Variants in ZSWIM5 observed in about 807,000 individuals in gnomAD.
ZSWIM5 encodes the protein zinc finger SWIM-type containing 5.
A neutral mutation model predicts 119.6 loss-of-function variants in ZSWIM5; 55 were observed. The observed-to-expected ratio is 0.46, with a 90% CI of 0.37 to 0.58. The LOEUF is 0.58. Among genes scored for constraint, ZSWIM5 ranks in the 20% least tolerant of loss-of-function variants. The pLI, the probability that ZSWIM5 is intolerant of heterozygous loss-of-function variation, is 0.00. For synonymous variants in ZSWIM5, 537 were observed against 606.9 expected (o/e 0.88, Z 1.69); for missense variants, 1,193 against 1,512.8 (o/e 0.79, Z 3.51).
chr1:45,043,563 G>C (rs567984657), intron 5 of ZSWIM5, among the ~76,000 whole-genome samples, 168 bp from the exon 6 acceptor site: 15 of 152,334 alleles, frequency 9.8e-5, no homozygotes, highest in African/African-American at 2.9e-4. Context: ...GCAGCCACTT[G>C]CAATCTCTCT....
intron 1 of ZSWIM5, among the ~76,000 whole-genome samples, chr1:45,146,431 CTTTTTT>C (rs35073818): frequency 6.5e-5 from 3 of 45,882 alleles, no homozygotes; most frequent in Non-Finnish European, 1.2e-4. Context: ...TGTTTCTAGA[CTTTTTT>C]TTTTTTTTTT....
chr1:45,188,589 T>C (rs1158538038), intron 1 of ZSWIM5, among the ~76,000 whole-genome samples: 2 of 152,204 alleles, frequency 1.3e-5, no homozygotes, highest in Non-Finnish European at 2.9e-5. Flanking sequence ...AGTTATACAG[T>C]ACATGAAGTA....
intron 1 of ZSWIM5, among the ~76,000 whole-genome samples, chr1:45,153,307 A>G (rs1645808942): frequency 6.6e-6 from 1 of 151,798 alleles, no homozygotes; most frequent in Non-Finnish European, 1.5e-5. Context: ...AGATTACCCG[A>G]GGTCAGAAGT....
chr1:45,197,953 T>A (rs1176034639), intron 1 of ZSWIM5, among the ~76,000 whole-genome samples: 2 of 152,186 alleles, frequency 1.3e-5, no homozygotes. Flanking sequence ...AAACCAGCAG[T>A]TTACAAATGG....
At position 45,080,068 on chromosome 1, in the gene ZSWIM5, C is replaced by T. The variant is rs535945473; in HGVS notation, c.952+7813G>A. 7.2e-5 allele frequency among the ~76,000 whole-genome samples: 11 copies of T among 152,230 alleles called. No homozygotes were observed. In the South Asian group the frequency reaches 2.1e-3, roughly 29 times the overall value. On this transcript the variant is annotated intron_variant, in intron 2 of 13. Coordinates refer to ENST00000359600, the MANE Select transcript of ZSWIM5 (RefSeq NM_020883.2). ...AAAGGGACGGGGTCTCTTTTGGAGC[C>T]ATAAGCTGAACTGCCTGGGGTTAAG...
In ZSWIM5 at chr1:45,084,576, C is replaced by A. The variant is rs543588255; in HGVS notation, c.952+3305G>T. ...TCAAAAACAAGTTACTTCCAAGATA[C>A]AATGGAAGTATAGGCATTGGGTAAA... On this transcript the variant is annotated intron_variant, in intron 2 of 13. Transcript: ENST00000359600. 7.9e-5 allele frequency among the ~76,000 whole-genome samples: 12 copies of A among 152,312 alleles called. No homozygotes were observed. In the South Asian group the frequency reaches 1.7e-3, roughly 21 times the overall value.
intron 1 of ZSWIM5, among the ~76,000 whole-genome samples, chr1:45,196,870 A>G (rs909348371): frequency 3.9e-5 from 6 of 152,150 alleles, no homozygotes; most frequent in African/African-American, 7.2e-5. Flanking sequence ...ACCTGAGCCA[A>G]TCTCCCAAGA....
At chr1:45,110,873 T>C (rs1645512526) in intron 1 of ZSWIM5, among the ~76,000 whole-genome samples, 1 of 152,154 alleles carries the variant, frequency 6.6e-6, no homozygotes. Flanking sequence ...CATTGACTTT[T>C]AAGCTCAGGA....
chr1:45,043,052 C>A (rs1557745533), intron 6 of ZSWIM5, among the ~76,000 whole-genome samples, 167 bp downstream of exon 6: 1 of 152,156 alleles, frequency 6.6e-6, no homozygotes, highest in Non-Finnish European at 1.5e-5. Flanking sequence ...AGTATACATG[C>A]AAATGGCTTA....
rs577288650 is a variant in ZSWIM5, at chr1:45,183,161, C to T, written c.595+22595G>A. 1.7e-3 allele frequency among the ~76,000 whole-genome samples: 258 copies of T among 151,784 alleles called. 3 individuals are homozygous for T. Among genetic ancestry groups the T allele is most frequent in the African/African-American group, 5.9e-3 (242 of 41,354 alleles). ...TCCTGAATGACTACTGGGTACATAACGAAATGAAGGCAGAAATAAAGATGT... is the reference window on the plus strand; with the variant it reads ...TCCTGAATGACTACTGGGTACATAATGAAATGAAGGCAGAAATAAAGATGT... On this transcript the variant is annotated intron_variant, in intron 1 of 13. Coordinates refer to ENST00000359600, the MANE Select transcript of ZSWIM5 (RefSeq NM_020883.2).
At chr1:45,086,719 C>G (rs1645332111) in intron 2 of ZSWIM5, among the ~76,000 whole-genome samples, 1 of 151,934 alleles carries the variant, frequency 6.6e-6, no homozygotes, top group Non-Finnish European at 1.5e-5. Flanking sequence ...CAACATGGCA[C>G]ATGTATACCT....
At chr1:45,185,559 AAAAC>A (rs1557792810) in intron 1 of ZSWIM5, among the ~76,000 whole-genome samples, 1 of 152,194 alleles carries the variant, frequency 6.6e-6, no homozygotes, top group Admixed American at 6.5e-5. Context: ...TACAAGAAAA[AAAAC>A]AAACAACCCC....
intron 1 of ZSWIM5, among the ~76,000 whole-genome samples, chr1:45,163,239 C>G (rs1044961132): frequency 1.3e-5 from 2 of 152,220 alleles, no homozygotes; most frequent in African/African-American, 2.4e-5. Context: ...CAAACTCCAA[C>G]AGACCTGCAG....
intron 6 of ZSWIM5, among the ~76,000 whole-genome samples, chr1:45,042,795 T>A (rs1645024130): frequency 6.6e-6 from 1 of 152,194 alleles, no homozygotes; most frequent in East Asian, 1.9e-4. Flanking sequence ...GGAAGACTGC[T>A]TGGTGACAAA....
At chr1:45,181,162 A>T (rs1646016401) in intron 1 of ZSWIM5, among the ~76,000 whole-genome samples, 1 of 152,114 alleles carries the variant, frequency 6.6e-6, no homozygotes, top group Admixed American at 6.6e-5. Flanking sequence ...TTCAAACCAA[A>T]GGCAAAGAAG....
intron 1 of ZSWIM5, among the ~76,000 whole-genome samples, chr1:45,107,521 T>C (rs144874781): frequency 0.021 from 3,123 of 151,552 alleles, 115 homozygotes; most frequent in African/African-American, 0.072. Context: ...GGGCACCTGT[T>C]GTCCCAGCTA....
intron 1 of ZSWIM5, among the ~76,000 whole-genome samples, chr1:45,184,549 A>T (rs2149050416): frequency 6.6e-6 from 1 of 152,330 alleles, no homozygotes; most frequent in South Asian, 2.1e-4. Flanking sequence ...ACTCCAGCAA[A>T]GTCTCAGGAT....
chr1:45,077,832 G>A (rs1020293820), intron 2 of ZSWIM5, among the ~76,000 whole-genome samples: 1 of 152,180 alleles, frequency 6.6e-6, no homozygotes. Flanking sequence ...AGAATTCAGC[G>A]ATATTTCTCC....
intron 1 of ZSWIM5, among the ~76,000 whole-genome samples, chr1:45,143,764 C>G (rs1190351681): frequency 6.6e-6 from 1 of 151,896 alleles, no homozygotes; most frequent in African/African-American, 2.4e-5. Context: ...TACCTAGAAA[C>G]TCCCAAGGAA....
Sources: allele counts gnomAD v4.1 joint callset (sites outside exome capture counted in the v4.1 genomes callset), GRCh38; gene constraint gnomAD v4.1.1; transcripts MANE v1.5; gene names NCBI Gene and HGNC (gene_info 2026-07-23, HGNC 2026-07-21).